NKAIN3: variants seen among roughly 807,000 people sequenced by gnomAD.
The protein encoded by NKAIN3 is sodium/potassium-transporting ATPase subunit beta-1-interacting protein 3.
Under a neutral mutation model 30.2 loss-of-function variants are expected in NKAIN3, and 25 were observed. The observed-to-expected ratio is 0.83, with a 90% CI of 0.60 to 1.16. The LOEUF (loss-of-function observed/expected upper bound fraction) is 1.16, where lower values mean the gene tolerates loss of function less well. NKAIN3 is among the 50% of genes most tolerant of loss of function. NKAIN3 has a pLI of 0.00. For synonymous variants in NKAIN3, 91 were observed against 89.6 expected (o/e 1.02, Z -0.09); for missense variants, 225 against 254.1 (o/e 0.89, Z 0.78).
intron 1 of NKAIN3, among the ~76,000 whole-genome samples, chr8:62,309,751 A>G (rs903639164): frequency 6.6e-6 from 1 of 150,470 alleles, no homozygotes; most frequent in Non-Finnish European, 1.5e-5. Context: ...TCTGCATCAT[A>G]ACTTAGCAGG....
At chr8:62,945,531 C>T (rs1282511199) in intron 5 of NKAIN3, among the ~76,000 whole-genome samples, 1 of 152,174 alleles carries the variant, frequency 6.6e-6, no homozygotes, top group Non-Finnish European at 1.5e-5. Context: ...AGATAAATGC[C>T]TGTCCTTGCA....
chr8:62,953,226 T>C (rs2130896509), intron 5 of NKAIN3, among the ~76,000 whole-genome samples: 1 of 152,314 alleles, frequency 6.6e-6, no homozygotes, highest in African/African-American at 2.4e-5. Flanking sequence ...AACCAAAGCT[T>C]GGTTTAAAGT....
chr8:62,920,207 G>T (rs1364816541), intron 5 of NKAIN3, among the ~76,000 whole-genome samples: 2 of 152,156 alleles, frequency 1.3e-5, no homozygotes, highest in East Asian at 3.9e-4. Context: ...TTAATAAATT[G>T]ATAAGTCCTA....
intron 1 of NKAIN3, among the ~76,000 whole-genome samples, chr8:62,556,107 C>G (rs1809378420): frequency 1.3e-5 from 2 of 151,688 alleles, no homozygotes; most frequent in African/African-American, 4.8e-5. Flanking sequence ...AAATGATGAA[C>G]AAGGAAGTGG....
chr8:62,480,814 C>A (rs1360912302), intron 1 of NKAIN3, among the ~76,000 whole-genome samples: 1 of 151,950 alleles, frequency 6.6e-6, no homozygotes, highest in Non-Finnish European at 1.5e-5. Context: ...CACGTGGGAC[C>A]TGGGGATGGG....
At chr8:62,538,526 T>A (rs531887917) in intron 1 of NKAIN3, among the ~76,000 whole-genome samples, 1 of 152,272 alleles carries the variant, frequency 6.6e-6, no homozygotes, top group East Asian at 1.9e-4. Context: ...AAAGTAAACC[T>A]TAAACAGACT....
chr8:62,804,242 A>T (rs2130700758), intron 4 of NKAIN3, among the ~76,000 whole-genome samples: 1 of 152,306 alleles, frequency 6.6e-6, no homozygotes, highest in African/African-American at 2.4e-5. Flanking sequence ...GAAAAGAGGG[A>T]ATCCTCCCTA....
chr8:62,301,905 T>C (rs139316612), intron 1 of NKAIN3, among the ~76,000 whole-genome samples: 1 of 152,218 alleles, frequency 6.6e-6, no homozygotes, highest in East Asian at 1.9e-4. Context: ...ACTTAAACGT[T>C]CTATTTCATC....
chr8:62,622,816 T>G (rs898418764), intron 3 of NKAIN3, among the ~76,000 whole-genome samples: 4 of 152,074 alleles, frequency 2.6e-5, no homozygotes, highest in African/African-American at 4.8e-5. Context: ...GTAGTACTTT[T>G]GATGTCAAGT....
intron 1 of NKAIN3, among the ~76,000 whole-genome samples, chr8:62,373,500 G>A (rs1712538241): frequency 6.6e-6 from 1 of 152,072 alleles, no homozygotes; most frequent in Non-Finnish European, 1.5e-5. Context: ...TTGCTCTTAT[G>A]CCTTATTTAT....
chr8:62,431,241 A>T (rs1804987257), intron 1 of NKAIN3, among the ~76,000 whole-genome samples: 1 of 151,908 alleles, frequency 6.6e-6, no homozygotes, highest in Non-Finnish European at 1.5e-5. Context: ...CTTTTAAAGT[A>T]GATGTTCTAA....
At chr8:62,786,217 A>G (rs1817512765) in intron 4 of NKAIN3, among the ~76,000 whole-genome samples, 1 of 152,174 alleles carries the variant, frequency 6.6e-6, no homozygotes, top group Non-Finnish European at 1.5e-5. Flanking sequence ...TACTTACACT[A>G]GACATGTGGA....
intron 5 of NKAIN3, among the ~76,000 whole-genome samples, chr8:62,944,870 A>G (rs1023109115): frequency 4.6e-5 from 7 of 152,212 alleles, no homozygotes; most frequent in African/African-American, 1.7e-4. Context: ...AATATTAGTT[A>G]TTGCTAGAAT....
chr8:62,525,259 A>G (rs1808268242), intron 1 of NKAIN3, among the ~76,000 whole-genome samples: 1 of 151,946 alleles, frequency 6.6e-6, no homozygotes, highest in Non-Finnish European at 1.5e-5. Flanking sequence ...ACCTTTTCAA[A>G]ACTGACATTT....
At chr8:62,344,902 T>G in intron 1 of NKAIN3, 1 of 405,632 alleles carries the variant, frequency 2.5e-6, no homozygotes, top group Non-Finnish European at 4.9e-6. Context: ...TTGAGTAGCT[T>G]GGAAATTTTA....
intron 4 of NKAIN3, among the ~76,000 whole-genome samples, chr8:62,798,511 G>T (rs779867335): frequency 1.3e-5 from 2 of 152,158 alleles, no homozygotes; most frequent in Non-Finnish European, 2.9e-5. Flanking sequence ...GGCGGAGCTT[G>T]CAGTGAGCTG....
At chr8:62,850,854 T>A (rs1462519780) in intron 4 of NKAIN3, among the ~76,000 whole-genome samples, 2 of 152,148 alleles carry the variant, frequency 1.3e-5, no homozygotes, top group Non-Finnish European at 2.9e-5. Flanking sequence ...TTTTGGTTAC[T>A]GTAGCCTTGT....
At chr8:62,761,146 C>T (rs1425167951) in intron 4 of NKAIN3, among the ~76,000 whole-genome samples, 1 of 152,076 alleles carries the variant, frequency 6.6e-6, no homozygotes, top group Non-Finnish European at 1.5e-5. Flanking sequence ...GTGTATACTG[C>T]ATAATTACTA....
chr8:62,333,132 C>T (rs1216740886), intron 1 of NKAIN3, among the ~76,000 whole-genome samples: 1 of 152,078 alleles, frequency 6.6e-6, no homozygotes, highest in African/African-American at 2.4e-5. Context: ...TGTAATTTCT[C>T]TATCAACTTT....
Sources: allele counts gnomAD v4.1 joint callset (sites outside exome capture counted in the v4.1 genomes callset), GRCh38; gene constraint gnomAD v4.1.1; transcripts MANE v1.5; gene names NCBI Gene and HGNC (gene_info 2026-07-23, HGNC 2026-07-21).